PCCA: variants seen among roughly 807,000 people sequenced by gnomAD.
PCCA encodes propionyl-CoA carboxylase alpha chain, mitochondrial.
In PCCA, 74 loss-of-function variants were observed where a neutral mutation model predicts 101.3. That is an observed-to-expected ratio of 0.73 (90% confidence interval 0.61 to 0.89). The LOEUF (loss-of-function observed/expected upper bound fraction) is 0.89. Ranked by LOEUF, PCCA falls within the 40% of genes least tolerant of loss-of-function variation. The probability of loss-of-function intolerance (pLI) is 0.00; values close to 1 mark genes in which losing one functional copy is unlikely to be tolerated. For missense variants in PCCA, 891 were observed against 907.0 expected, an observed-to-expected ratio of 0.98 and a Z score of 0.23; for synonymous variants, 294 against 313.6, an observed-to-expected ratio of 0.94 and a Z score of 0.66.
At chr13:100,229,915 T>TG (rs2060364239) in intron 7 of PCCA, among the ~76,000 whole-genome samples, 1 of 152,242 alleles carries the variant, frequency 6.6e-6, no homozygotes. Flanking sequence ...TCTGAGTCCC[T>TG]GCCCTGAACC....
chr13:100,212,977 G>A (rs1390808187), intron 7 of PCCA, among the ~76,000 whole-genome samples: 1 of 151,930 alleles, frequency 6.6e-6, no homozygotes, highest in Non-Finnish European at 1.5e-5. Context: ...AGATGAGTGA[G>A]AACATGTCAA....
chr13:100,346,800 C>T (rs1401505501), intron 18 of PCCA, among the ~76,000 whole-genome samples: 3 of 152,140 alleles, frequency 2.0e-5, no homozygotes, highest in Non-Finnish European at 4.4e-5. Flanking sequence ...CCTGATCAGT[C>T]AGCAGCTACC....
chr13:100,130,901 T>C (rs966596575), intron 4 of PCCA, among the ~76,000 whole-genome samples: 5 of 152,230 alleles, frequency 3.3e-5, no homozygotes, highest in Non-Finnish European at 5.9e-5. Context: ...GTAATTTTTC[T>C]TTTCAGTAAG....
intron 15 of PCCA, among the ~76,000 whole-genome samples, chr13:100,309,044 AGTC>A (rs61097056): frequency 0.17 from 25,750 of 152,110 alleles, 3,488 homozygotes; most frequent in African/African-American, 0.37. Context: ...TTTCTAAGAT[AGTC>A]GTCTTCTTTC....
chr13:100,284,976 G>A (rs1315441439), intron 12 of PCCA, among the ~76,000 whole-genome samples: 1 of 151,886 alleles, frequency 6.6e-6, no homozygotes, highest in Non-Finnish European at 1.5e-5. Flanking sequence ...GGCTACTCTA[G>A]ATCTCTTGAA....
chr13:100,265,256 T>C (rs549441114), intron 10 of PCCA, among the ~76,000 whole-genome samples: 7 of 152,302 alleles, frequency 4.6e-5, no homozygotes, highest in African/African-American at 1.2e-4. Flanking sequence ...AGGTATGATA[T>C]TTAAGTCTGT....
At chr13:100,156,078 G>A (rs1358748039) in intron 5 of PCCA, among the ~76,000 whole-genome samples, 1 of 151,294 alleles carries the variant, frequency 6.6e-6, no homozygotes, top group East Asian at 1.9e-4. Flanking sequence ...TTTTTGTTTT[G>A]TTTTTTGAGA....
In PCCA at chr13:100,338,020, AATAT is replaced by A. The variant is rs1430787499; in HGVS notation, c.1541-2136_1541-2133del. Among the ~76,000 whole-genome samples, 386 of 152,334 alleles carry A rather than the reference AATAT, an allele frequency of 2.5e-3. 4 individuals carry two copies. The South Asian group carries it at 0.028, about 11-fold the overall frequency. ...AACAGTTTCTTTACACAGTTTGATA[AATAT>A]CAGTCCAGAACAGTTGTATTCAAAG... is the stretch of plus-strand genomic sequence containing the variant. On this transcript the variant is annotated intron_variant, in intron 17 of 23. Transcript: ENST00000376285.
chr13:100,277,414 T>G (rs2063742419), intron 12 of PCCA, among the ~76,000 whole-genome samples: 1 of 152,132 alleles, frequency 6.6e-6, no homozygotes, highest in Admixed American at 6.5e-5. Flanking sequence ...TCATCTTGGT[T>G]TTGGCTGATC....
At chr13:100,398,539 G>T (rs2077165354) in intron 19 of PCCA, among the ~76,000 whole-genome samples, 1 of 152,128 alleles carries the variant, frequency 6.6e-6, no homozygotes, top group South Asian at 2.1e-4. Context: ...GATTTGAATT[G>T]TTCCGCTATT....
chr13:100,444,245 A>G (rs1433107264), intron 20 of PCCA, among the ~76,000 whole-genome samples: 1 of 145,118 alleles, frequency 6.9e-6, no homozygotes, highest in Non-Finnish European at 1.5e-5. Flanking sequence ...TCTGTCTCCC[A>G]GGCTGAAGTG....
At position 100,268,718 on chromosome 13, in the gene PCCA, A is replaced by G. The variant is rs1357373616; in HGVS notation, c.849A>G (p.Leu283=). 4.3e-6 allele frequency: 7 copies of G among 1,613,978 alleles called. No individual in the cohort carries two copies. The highest frequency in any genetic ancestry group is 5.9e-6 in the Non-Finnish European group (7 of 1,179,906). The part of the protein sequence containing the change: ...QVLGDKHGNA[L]WLNERECSIQ... ...TAGGTGATAAACATGGGAATGCTTTATGGCTTAATGAAAGAGAGTGCTCAA... is the reference window on the plus strand; with the variant it reads ...TAGGTGATAAACATGGGAATGCTTTGTGGCTTAATGAAAGAGAGTGCTCAA... Residue 283 remains leucine (L), a synonymous_variant, in exon 11 of 24, where the codon TTA becomes TTG. Transcript: ENST00000376285.
At chr13:100,268,312 C>T (rs1445913128) in intron 10 of PCCA, among the ~76,000 whole-genome samples, 2 of 152,126 alleles carry the variant, frequency 1.3e-5, no homozygotes, top group African/African-American at 4.8e-5. Context: ...ATAATGTTAA[C>T]ATCAAGCAGA....
At chr13:100,344,031 C>A (rs933711472) in intron 18 of PCCA, among the ~76,000 whole-genome samples, 1 of 152,174 alleles carries the variant, frequency 6.6e-6, no homozygotes, top group African/African-American at 2.4e-5. Flanking sequence ...GCCGAGATCA[C>A]GCCACTGCAC....
At chr13:100,121,249 C>T (rs553163928) in intron 4 of PCCA, among the ~76,000 whole-genome samples, 43 of 148,748 alleles carry the variant, frequency 2.9e-4, no homozygotes, top group Admixed American at 8.2e-4. Flanking sequence ...CTCCACCTCC[C>T]GGGGGTCAAG....
chr13:100,346,830 A>G (rs1750432205), intron 18 of PCCA, among the ~76,000 whole-genome samples: 1 of 152,104 alleles, frequency 6.6e-6, no homozygotes, highest in South Asian at 2.1e-4. Flanking sequence ...CAAAAAGATT[A>G]TGACTCACTA....
At chr13:100,196,804 C>T (rs1317696087) in intron 6 of PCCA, among the ~76,000 whole-genome samples, 3 of 152,172 alleles carry the variant, frequency 2.0e-5, no homozygotes, top group African/African-American at 4.8e-5. Flanking sequence ...CCTTTACCCC[C>T]TTCCACTACC....
rs1157769202 is a variant in PCCA at position 100,348,771 on chromosome 13, TCTTTCTTTCTTTCTTTCTTCCTTC to T, written c.1643+8516_1643+8539del. On this transcript the variant is annotated intron_variant, in intron 18 of 23. Coordinates refer to ENST00000376285, the MANE Select transcript of PCCA (RefSeq NM_000282.4). ...TTCTTTCTTTCTTTCTTTCTTTCTTTCTTTCTTTCTTTCTTTCTTCCTTCCTTCCTTCCTTCCTTCCTTCCTTTC... is the reference window on the plus strand; with the variant it reads ...TTCTTTCTTTCTTTCTTTCTTTCTTTCTTCCTTCCTTCCTTCCTTCCTTTC... Among the ~76,000 whole-genome samples, 206 of 92,030 alleles carry T rather than the reference TCTTTCTTTCTTTCTTTCTTCCTTC, an allele frequency of 2.2e-3. 3 individuals carry two copies. The highest frequency in any genetic ancestry group is 7.0e-3 in the African/African-American group (157 of 22,520). 60.4% of individuals were successfully genotyped at this position (92,030 alleles called of 152,430 possible).
Position 100,112,020 on chromosome 13 carries a change from A to G in PCCA, c.259A>G (p.Ile87Val). ...TATTAGAACTTGCAAGAAGATGGGCATTAAGACAGTTGCCATCCACAGTGA... is the reference window on the plus strand; with the variant it reads ...TATTAGAACTTGCAAGAAGATGGGCGTTAAGACAGTTGCCATCCACAGTGA... ...RVIRTCKKMG[I>V]KTVAIHSDVD... is the part of the protein sequence containing the mutation. The change falls in exon 4 of 24, where the codon ATT becomes GTT. Residue 87 changes from isoleucine to valine, a missense_variant. Coordinates refer to ENST00000376285, the MANE Select transcript of PCCA (RefSeq NM_000282.4). 6.2e-7 allele frequency: 1 copy of G among 1,611,100 alleles called. No individual in the cohort carries two copies. The highest frequency in any genetic ancestry group is 8.5e-7 in the Non-Finnish European group (1 of 1,178,658).
Sources: allele counts gnomAD v4.1 joint callset (sites outside exome capture counted in the v4.1 genomes callset), GRCh38; gene constraint gnomAD v4.1.1; transcripts MANE v1.5; gene names NCBI Gene and HGNC (gene_info 2026-07-23, HGNC 2026-07-21).